The following LONRF2 variants were observed in gnomAD, a reference collection of about 807,000 sequenced individuals.
LONRF2 encodes LON peptidase N-terminal domain and ring finger 2, also known as LON peptidase N-terminal domain and RING finger protein 2.
LONRF2 carries 35 observed loss-of-function variants against 66.6 expected under a neutral mutation model. That is an observed-to-expected ratio of 0.53 (90% CI 0.40 to 0.70). The LOEUF is 0.70. Ranked by LOEUF, LONRF2 falls within the 30% of genes least tolerant of loss-of-function variation. The probability of loss-of-function intolerance (pLI) is 0.00; values close to 1 mark genes in which losing one functional copy is unlikely to be tolerated. For synonymous variants in LONRF2, 417 were observed against 418.1 expected, an observed-to-expected ratio of 1.00 and a Z score of 0.03; for missense variants, 902 against 1,002.1, an observed-to-expected ratio of 0.90 and a Z score of 1.35.
intron 11 of LONRF2, among the ~76,000 whole-genome samples, chr2:100,286,320 C>A (rs529681927): frequency 6.6e-6 from 1 of 152,116 alleles, no homozygotes; most frequent in East Asian, 1.9e-4. Flanking sequence ...ACCAGCCCAG[C>A]CTGGCTCTCC....
chr2:100,291,771 T>C (rs1178727471), intron 9 of LONRF2, among the ~76,000 whole-genome samples: 2 of 151,916 alleles, frequency 1.3e-5, no homozygotes, highest in Non-Finnish European at 2.9e-5. Context: ...CTGCCCAGGG[T>C]GGTATTCTAG....
intron 2 of LONRF2, among the ~76,000 whole-genome samples, chr2:100,306,181 T>C (rs1016268115): frequency 5.3e-5 from 8 of 152,148 alleles, no homozygotes; most frequent in African/African-American, 1.4e-4. Context: ...CCCAAAGTGC[T>C]GGGATTACAG....
intron 1 of LONRF2, chr2:100,309,495 A>T (rs1446817960): frequency 5.2e-6 from 1 of 192,162 alleles, no homozygotes; most frequent in Admixed American, 5.8e-5. Context: ...CAAGAAAAAC[A>T]GACTGCCACT....
chr2:100,294,198 A>T, intron 9 of LONRF2, 31 bp downstream of exon 9: 1 of 1,600,622 alleles, frequency 6.2e-7, no homozygotes, highest in Non-Finnish European at 8.5e-7. Flanking sequence ...CTTCATTAGG[A>T]CCCTTTGAAC....
rs374399452 is a variant in LONRF2, at chr2:100,315,909, A to G, written c.679+5506T>C. 4.6e-5 allele frequency among the ~76,000 whole-genome samples: 7 copies of G among 152,068 alleles called. No individual in the cohort carries two copies. In the East Asian group the frequency reaches 5.8e-4, roughly 13 times the overall value. On this transcript the variant is annotated intron_variant, in intron 1 of 11. Coordinates refer to ENST00000393437, the MANE Select transcript of LONRF2 (RefSeq NM_198461.4). ...TGAAATGGAAGCCTAAAGATCACTG[A>G]CTATCAGCTGTTCTTTGGTAGTATG...
At position 100,287,034 on chromosome 2, in the gene LONRF2, G is replaced by A. The variant is rs141259013; in HGVS notation, c.1950C>T (p.Ala650=). ...GTTGATGCACAGAATCGTGGAGAGC[G>A]GCAAGTTCTTCATACTCTGGACCCT... ...KVEGPEYEEL[A]ALHDSVHQQS... is the part of the protein sequence containing the mutation. The change falls in exon 11 of 12, where the codon GCC becomes GCT. Residue 650 remains alanine (A), a synonymous_variant. Transcript: ENST00000393437. 116 of 1,613,860 alleles carry A rather than the reference G, an allele frequency of 7.2e-5. No individual in the cohort carries two copies. Among genetic ancestry groups the A allele is most frequent in the Middle Eastern group, 1.6e-4 (1 of 6,082 alleles).
intron 2 of LONRF2, among the ~76,000 whole-genome samples, chr2:100,306,846 T>C (rs1184901036): frequency 6.6e-6 from 1 of 152,076 alleles, no homozygotes; most frequent in African/African-American, 2.4e-5. Flanking sequence ...CCCCAATCCT[T>C]AGTTATAATA....
intron 1 of LONRF2, among the ~76,000 whole-genome samples, chr2:100,315,769 A>G (rs1273121802): frequency 6.6e-6 from 1 of 152,190 alleles, no homozygotes; most frequent in East Asian, 1.9e-4. Flanking sequence ...TTTTGCAACT[A>G]TATTCGTAAG....
rs777304883 is a variant in LONRF2 at position 100,284,163 on chromosome 2, A to T, written c.*135T>A. 2 of 748,822 alleles carry T rather than the reference A, an allele frequency of 2.7e-6. No homozygotes were observed. The highest frequency in any genetic ancestry group is 4.2e-6 in the Non-Finnish European group (2 of 477,448). 46.4% of individuals were successfully genotyped at this position (748,822 alleles called of 1,614,324 possible). A position where few individuals can be genotyped will look rare whatever the true frequency, so the allele number is the denominator to read the frequency against. On this transcript the variant is annotated 3_prime_UTR_variant, in exon 12 of 12. Transcript: ENST00000393437. ...GAATTGTCATTTTTGAGGAGGACTCAATGTTTGGCAAGCGTCCCATTTTGG... is the reference window on the plus strand; with the variant it reads ...GAATTGTCATTTTTGAGGAGGACTCTATGTTTGGCAAGCGTCCCATTTTGG...
chr2:100,321,215 T>C (rs1434125917), intron 1 of LONRF2, among the ~76,000 whole-genome samples, 200 bp downstream of exon 1: 3 of 152,166 alleles, frequency 2.0e-5, no homozygotes, highest in African/African-American at 7.2e-5. Flanking sequence ...ACAAAACCAG[T>C]GGGGTGCACT....
intron 7 of LONRF2, among the ~76,000 whole-genome samples, chr2:100,296,107 T>C (rs905410835): frequency 6.6e-6 from 1 of 151,932 alleles, no homozygotes; most frequent in Non-Finnish European, 1.5e-5. Flanking sequence ...TAAAGCGGGA[T>C]GTGAAGGGAA....
At chr2:100,309,010 G>T in intron 2 of LONRF2, 97 bp downstream of exon 2, 1 of 766,264 alleles carries the variant, frequency 1.3e-6, no homozygotes, top group Non-Finnish European at 2.1e-6. Flanking sequence ...AACATACTTT[G>T]TCTATAGGTA....
At chr2:100,300,514 C>A in intron 4 of LONRF2, 130 bp downstream of exon 4, 1 of 841,678 alleles carries the variant, frequency 1.2e-6, no homozygotes, top group Non-Finnish European at 1.7e-6. Context: ...TGAGGAGCTA[C>A]AACTGGTCTT....
chr2:100,297,816 G>A (rs1675103189), intron 7 of LONRF2, among the ~76,000 whole-genome samples: 1 of 152,130 alleles, frequency 6.6e-6, no homozygotes, highest in Non-Finnish European at 1.5e-5. Flanking sequence ...ATTTAATAAA[G>A]CAAGTATGTG....
intron 5 of LONRF2, 74 bp downstream of exon 5, chr2:100,299,643 A>G (rs1675137937): frequency 1.7e-6 from 2 of 1,198,934 alleles, no homozygotes; most frequent in Non-Finnish European, 2.4e-6. Flanking sequence ...AAAATTTAAA[A>G]AATATATTGA....
In LONRF2 at chr2:100,294,085, T is replaced by G; in HGVS notation, c.1757+144A>C. On this transcript the variant is annotated intron_variant, in intron 9 of 11. Coordinates refer to ENST00000393437, the MANE Select transcript of LONRF2 (RefSeq NM_198461.4). ...GCTAGAAAGAAGGGATGGGACTGCA[T>G]TGTGGGCAGCCTTGAACTTGGACTT... 2 of 861,630 alleles carry G rather than the reference T, an allele frequency of 2.3e-6. 1 individual carries two copies. Among genetic ancestry groups the G allele is most frequent in the South Asian group, 3.2e-5 (2 of 62,486 alleles). The allele number at this position is 861,630 out of a possible 1,614,324, so 53.4% of individuals were successfully genotyped here.
rs373420084 is a variant in LONRF2 at position 100,294,121 on chromosome 2, C to T, written c.1757+108G>A. The T allele has an allele frequency of 9.9e-5, 130 of 1,308,364 alleles. 1 individual carries two copies. Among genetic ancestry groups the T allele is most frequent in the East Asian group, 7.2e-4 (29 of 40,322 alleles). The allele number at this position is 1,308,364 out of a possible 1,614,324, so 81.0% of individuals were successfully genotyped here. A position where few individuals can be genotyped will look rare whatever the true frequency, so the allele number is the denominator to read the frequency against. ...CTTGAACTTGGACTTTGTTACGTAA[C>T]GGGAGCCACTGGAGGTTTTCAAGCA... On this transcript the variant is annotated intron_variant, in intron 9 of 11. Transcript: ENST00000393437.
chr2:100,294,237 C>T lies in LONRF2; in HGVS notation c.1749G>A (p.Glu583=), dbSNP rs1381548152. The T allele has an allele frequency of 8.1e-6, 13 of 1,603,720 alleles. No homozygotes were observed. The highest frequency in any genetic ancestry group is 6.8e-5 in the East Asian group (3 of 44,344). The change falls in exon 9 of 12, where the codon GAG becomes GAA. Residue 583 remains glutamate, a synonymous_variant. Coordinates refer to ENST00000393437, the MANE Select transcript of LONRF2 (RefSeq NM_198461.4). ...ATGCTAACAGTTCTTACCCCGCGTG[C>T]TCAGCAGATAAACACATGCCAAACC... ...TKRFGMCLSA[E]HAGLSEYGCM... is the part of the protein sequence containing the mutation.
At position 100,302,955 on chromosome 2, in the gene LONRF2, G is replaced by A. The variant is rs746806217; in HGVS notation, c.887C>T (p.Pro296Leu). 35 of 1,610,078 alleles carry A rather than the reference G, an allele frequency of 2.2e-5. No homozygotes were observed. Among genetic ancestry groups the A allele is most frequent in the Non-Finnish European group, 3.0e-5 (35 of 1,177,906 alleles). ...KEFLYCLALN[P>L]ECNSVKKEAQ... The stretch of plus-strand genomic sequence containing the variant: ...TTCTTTCTTCACAGAGTTACATTCA[G>A]GATTCAGAGCAAGGCAGTAGAGAAA... Residue 296 changes from proline to leucine, a missense_variant, in exon 3 of 12, where the codon CCT becomes CTT. Physicochemically the swap from Pro to Leu is moderately conservative, Grantham distance 98. Around this residue, in one of 2 missense-constraint regions of LONRF2, gnomAD observed 585 missense variants for 569.9 expected, o/e 1.03. Transcript: ENST00000393437.
Sources: gnomAD v4.1 joint callset for allele counts (sites outside exome capture counted in the v4.1 genomes callset) on GRCh38, gnomAD v4.1.1 for gene constraint, gnomAD v4.1.1 regional missense constraint, MANE v1.5 for transcripts, NCBI Gene and HGNC (gene_info 2026-07-23, HGNC 2026-07-21) for gene names.